The following NAV1 variants were observed in gnomAD, a reference collection of about 807,000 sequenced individuals.
NAV1 encodes the protein neuron navigator 1.
In NAV1, 18 loss-of-function variants were observed where a neutral mutation model predicts 175.2. That is an observed-to-expected ratio of 0.10 (90% CI 0.07 to 0.15). The LOEUF is 0.15. Ranked by LOEUF, NAV1 falls within the 10% of genes least tolerant of loss-of-function variation. The probability of loss-of-function intolerance (pLI) is 1.00; values close to 1 mark genes in which losing one functional copy is unlikely to be tolerated. For synonymous variants in NAV1, 897 were observed against 978.7 expected, an observed-to-expected ratio of 0.92 and a Z score of 1.56; for missense variants, 1,731 against 2,436.6, an observed-to-expected ratio of 0.71 and a Z score of 6.10.
At chr1:201,756,731 C>T (rs1674482772) in intron 3 of NAV1, among the ~76,000 whole-genome samples, 1 of 152,190 alleles carries the variant, frequency 6.6e-6, no homozygotes, top group Non-Finnish European at 1.5e-5. Flanking sequence ...TCCAGCACAT[C>T]CCACATTTTT....
chr1:201,673,252 C>G (rs1438119430), intron 1 of NAV1: 1 of 152,198 alleles, frequency 6.6e-6, no homozygotes, highest in Non-Finnish European at 1.5e-5. Flanking sequence ...GCAGGCAGGC[C>G]CCACAGATGG....
chr1:201,783,953 T>A, intron 7 of NAV1, 101 bp downstream of exon 11: 1 of 1,134,670 alleles, frequency 8.8e-7, no homozygotes, highest in Non-Finnish European at 1.2e-6. Flanking sequence ...TTTGTGACTT[T>A]TGACATTTTT....
exon 7 of NAV1, chr1:201,783,408 C>T: frequency 6.2e-7 from 1 of 1,613,204 alleles, no homozygotes; most frequent in Non-Finnish European, 8.5e-7. Context: ...TCTCTCAGGG[C>T]CACAGCGAAG....
At chr1:201,742,670 G>A (rs771167436) in intron 3 of NAV1, among the ~76,000 whole-genome samples, 10 of 152,220 alleles carry the variant, frequency 6.6e-5, no homozygotes, top group Non-Finnish European at 1.3e-4. Context: ...AACAAGACTC[G>A]CTCACTACGG....
rs1675233426 is a variant in NAV1, at chr1:201,766,789, A to G, written c.1227-13632A>G. Among the ~76,000 whole-genome samples, 5 of 152,122 alleles carry G rather than the reference A, an allele frequency of 3.3e-5. No individual in the cohort carries two copies. In the South Asian group the frequency reaches 1.0e-3, roughly 32 times the overall value. On this transcript the variant is annotated intron_variant, in intron 3 of 29. Transcript: ENST00000367296. The stretch of plus-strand genomic sequence containing the variant: ...CCTGTTTAGGACAGCGCTTTCCAAC[A>G]GAAATCTAATGCAAGCCACATACTT...
intron 4 of NAV1, among the ~76,000 whole-genome samples, chr1:201,780,766 T>C (rs1035845820): frequency 1.3e-5 from 2 of 151,794 alleles, no homozygotes; most frequent in African/African-American, 4.8e-5. Context: ...TGTCATATTG[T>C]GTATACTTAG....
chr1:201,582,466 G>A (rs544978815), intron 1 of NAV1, among the ~76,000 whole-genome samples: 156 of 152,314 alleles, frequency 1.0e-3, no homozygotes, highest in South Asian at 7.5e-3. Context: ...GAAGAGAGAG[G>A]AATCCCCTGG....
At chr1:201,735,182 C>T (rs992956679) in intron 3 of NAV1, among the ~76,000 whole-genome samples, 4 of 152,150 alleles carry the variant, frequency 2.6e-5, no homozygotes, top group African/African-American at 9.7e-5. Flanking sequence ...AATCTGAGCC[C>T]CACACCAGGG....
chr1:201,648,500 C>G, exon 1 of NAV1: 1 of 1,234,962 alleles, frequency 8.1e-7, no homozygotes, highest in Non-Finnish European at 1.0e-6. Flanking sequence ...GCTTGCCTCT[C>G]TCCCTCCTCC....
intron 2 of NAV1, among the ~76,000 whole-genome samples, chr1:201,613,526 A>G (rs578104862): frequency 3.9e-5 from 6 of 152,298 alleles, no homozygotes; most frequent in African/African-American, 1.4e-4. Context: ...TTCAGTGTTT[A>G]TTATGGACCA....
chr1:201,568,294 G>A (rs918940085), intron 1 of NAV1, among the ~76,000 whole-genome samples: 2 of 150,708 alleles, frequency 1.3e-5, no homozygotes, highest in African/African-American at 4.9e-5. Flanking sequence ...GGGTAGATCT[G>A]GGTTGCCAAT....
intron 2 of NAV1, among the ~76,000 whole-genome samples, chr1:201,602,538 C>T (rs989050700): frequency 1.5e-4 from 23 of 151,562 alleles, no homozygotes; most frequent in Admixed American, 9.2e-4. Context: ...AGACAGGGTT[C>T]CACCGTGTTG....
intron 7 of NAV1, among the ~76,000 whole-genome samples, 181 bp from the exon 12 acceptor site, chr1:201,785,129 G>A (rs558800394): frequency 6.6e-6 from 1 of 152,250 alleles, no homozygotes; most frequent in South Asian, 2.1e-4. Flanking sequence ...AATTTCCCAA[G>A]TTGTAAGCCA....
At chr1:201,786,066 T>C (rs1394894917) in intron 8 of NAV1, among the ~76,000 whole-genome samples, 1 of 152,096 alleles carries the variant, frequency 6.6e-6, no homozygotes, top group Non-Finnish European at 1.5e-5. Flanking sequence ...GTGCTGGGAT[T>C]ACAGGCATGA....
intron 1 of NAV1, among the ~76,000 whole-genome samples, chr1:201,558,507 C>T (rs1666101421): frequency 6.6e-6 from 1 of 152,154 alleles, no homozygotes; most frequent in Non-Finnish European, 1.5e-5. Context: ...GGCTGGAGTG[C>T]AGTGGCACAA....
chr1:201,809,914 TTTC>T (rs761433883), intron 22 of NAV1, 29 bp from the exon 27 acceptor site: 12 of 1,593,204 alleles, frequency 7.5e-6, no homozygotes, highest in African/African-American at 6.7e-5. Context: ...GTTTGTATAT[TTTC>T]TTCTTCTTCT....
In NAV1 at chr1:201,607,444, A is replaced by G. The variant is rs138563791; in HGVS notation, c.-32-15409A>G. Among the ~76,000 whole-genome samples, 307 of 151,548 alleles carry G rather than the reference A, an allele frequency of 2.0e-3. 3 individuals carry two copies. The Middle Eastern group carries it at 0.02, about 10-fold the overall frequency. Reference sequence around the variant, plus strand: ...AATTTTTGTGTAATGCATTCACATAATTGTTTACTATCTACTAACAAGTAT... The same window carrying G: ...AATTTTTGTGTAATGCATTCACATAGTTGTTTACTATCTACTAACAAGTAT... On this transcript the variant is annotated intron_variant, in intron 2 of 33. Transcript: ENST00000685211.
At position 201,706,456 on chromosome 1, in the gene NAV1, GT is replaced by G. The variant is rs1181529346; in HGVS notation, c.758-6360del. 4.6e-5 allele frequency among the ~76,000 whole-genome samples: 7 copies of G among 152,126 alleles called. No individual in the cohort carries two copies. In the South Asian group the frequency reaches 1.0e-3, roughly 23 times the overall value. On this transcript the variant is annotated intron_variant, in intron 1 of 29. Coordinates refer to ENST00000367296, the Ensembl canonical transcript of NAV1. ...CCCCAGCCCACAGCATGGAGTGCTG[GT>G]CTAAAGATCCCTGGGCCAAGAGTGA...
At chr1:201,741,220 C>T (rs239984) in intron 3 of NAV1, among the ~76,000 whole-genome samples, 46,939 of 152,060 alleles carry the variant, frequency 0.31, 8,064 homozygotes, top group Non-Finnish European at 0.39. Flanking sequence ...CTTCTGCCTC[C>T]GTTCCTGCCC....
Sources: gnomAD v4.1 joint callset for allele counts (sites outside exome capture counted in the v4.1 genomes callset) on GRCh38, gnomAD v4.1.1 for gene constraint, MANE v1.5 for transcripts, NCBI Gene and HGNC (gene_info 2026-07-23, HGNC 2026-07-21) for gene names.